Variants in JARID2 observed in about 807,000 individuals in gnomAD.
JARID2 encodes jumonji and AT-rich interaction domain containing 2.
JARID2 carries 21 observed loss-of-function variants against 125.6 expected under a neutral mutation model. The observed-to-expected ratio is 0.17, with a 90% CI of 0.12 to 0.24. The LOEUF (loss-of-function observed/expected upper bound fraction) is 0.24, where lower values mean the gene tolerates loss of function less well. JARID2 is among the 10% of genes least tolerant of loss of function. The probability of loss-of-function intolerance (pLI) is 1.00; values close to 1 mark genes in which losing one functional copy is unlikely to be tolerated. For synonymous variants in JARID2, 736 were observed against 661.6 expected (o/e 1.11, Z -1.73); for missense variants, 1,303 against 1,639.6 (o/e 0.79, Z 3.55).
intron 1 of JARID2, among the ~76,000 whole-genome samples, chr6:15,354,914 G>A (rs1177733537): frequency 1.3e-5 from 2 of 152,208 alleles, no homozygotes; most frequent in East Asian, 3.9e-4. Context: ...TATTAGAAAA[G>A]CCGGGGAGGT....
Position 15,513,281 on chromosome 6 carries a change from C to T in JARID2, c.3309C>T (p.Gly1103=), listed in dbSNP as rs766770591. ...LRQRRQLFEA[G]LHSSARYGSH... ...AGCGCAGGCAGCTGTTCGAGGCTGG[C>T]CTCCACTCCTCCGCACGCTATGGCA... The change falls in exon 16 of 18, where the codon GGC becomes GGT. Residue 1103 remains glycine (G), a synonymous_variant. Coordinates refer to ENST00000341776, the MANE Select transcript of JARID2 (RefSeq NM_004973.4). 4 of 1,587,526 alleles carry T rather than the reference C, an allele frequency of 2.5e-6. No homozygotes were observed. The highest frequency in any genetic ancestry group is 2.6e-6 in the Non-Finnish European group (3 of 1,167,870).
intron 7 of JARID2, among the ~76,000 whole-genome samples, chr6:15,498,813 G>A (rs577832018): frequency 2.0e-5 from 3 of 152,206 alleles, no homozygotes; most frequent in Non-Finnish European, 4.4e-5. Context: ...CTGCACACGC[G>A]TGCACCCACG....
intron 2 of JARID2, among the ~76,000 whole-genome samples, chr6:15,391,265 C>T (rs889194652): frequency 2.0e-5 from 3 of 152,164 alleles, no homozygotes; most frequent in Non-Finnish European, 4.4e-5. Context: ...CTAGTTTTCC[C>T]CAGCAAGGCA....
At chr6:15,346,524 G>T (rs1763249548) in intron 1 of JARID2, among the ~76,000 whole-genome samples, 2 of 152,052 alleles carry the variant, frequency 1.3e-5, no homozygotes, top group Admixed American at 1.3e-4. Context: ...GTAGGCTTTG[G>T]TGTGGCTTTT....
chr6:15,501,892 G>A (rs1770755655), intron 8 of JARID2, among the ~76,000 whole-genome samples: 1 of 152,260 alleles, frequency 6.6e-6, no homozygotes, highest in East Asian at 1.9e-4. Flanking sequence ...CTCCAGTTCC[G>A]TTTCATCCTG....
rs1490281637 is a variant in JARID2, at chr6:15,366,513, G to GA, written c.46-7604_46-7603insA. Among the ~76,000 whole-genome samples, 578 of 135,484 alleles carry GA rather than the reference G, an allele frequency of 4.3e-3. 11 individuals carry two copies. Among genetic ancestry groups the GA allele is most frequent in the African/African-American group, 0.016 (546 of 33,644 alleles). The allele number at this position is 135,484 out of a possible 152,430, so 88.9% of individuals were successfully genotyped here. On this transcript the variant is annotated intron_variant, in intron 1 of 17. Transcript: ENST00000341776. ...TCTCTATATGTGGGTGGGGGGCGGG[G>GA]GGGGCGGGGGGGGTGGGGGGTGGGG...
At chr6:15,303,617 A>G (rs931529641) in intron 1 of JARID2, among the ~76,000 whole-genome samples, 1 of 152,218 alleles carries the variant, frequency 6.6e-6, no homozygotes, top group Non-Finnish European at 1.5e-5. Context: ...ATAATACCCA[A>G]TGTGAGAAGA....
intron 5 of JARID2, among the ~76,000 whole-genome samples, chr6:15,470,439 T>G (rs1477339706): frequency 2.0e-5 from 3 of 152,222 alleles, no homozygotes; most frequent in Non-Finnish European, 4.4e-5. Context: ...CCTTTCTGGA[T>G]TCACCGGGAA....
At chr6:15,303,851 C>T (rs1761716874) in intron 1 of JARID2, among the ~76,000 whole-genome samples, 1 of 152,138 alleles carries the variant, frequency 6.6e-6, no homozygotes, top group African/African-American at 2.4e-5. Context: ...TTTTAGTTCA[C>T]CTGGGCGAAT....
At chr6:15,283,748 C>G (rs1177893637) in intron 1 of JARID2, among the ~76,000 whole-genome samples, 2 of 148,132 alleles carry the variant, frequency 1.4e-5, no homozygotes, top group Non-Finnish European at 3.0e-5. Flanking sequence ...CTCTGTTGCC[C>G]AGGCTGGAGT....
At chr6:15,421,727 G>T (rs1766498321) in intron 3 of JARID2, among the ~76,000 whole-genome samples, 1 of 152,180 alleles carries the variant, frequency 6.6e-6, no homozygotes, top group Admixed American at 6.5e-5. Context: ...CATCTATAAT[G>T]CCTGGACTTT....
chr6:15,456,877 G>C (rs1352014262), intron 4 of JARID2, among the ~76,000 whole-genome samples: 2 of 27,566 alleles, frequency 7.3e-5, no homozygotes, highest in South Asian at 2.8e-3. Flanking sequence ...AGGATGTTAA[G>C]CTTTTTTTTT....
At chr6:15,282,104 G>T (rs540406653) in intron 1 of JARID2, among the ~76,000 whole-genome samples, 1 of 151,976 alleles carries the variant, frequency 6.6e-6, no homozygotes, top group Non-Finnish European at 1.5e-5. Context: ...CATCATGCTC[G>T]ACCAATTTCT....
intron 1 of JARID2, among the ~76,000 whole-genome samples, chr6:15,358,580 G>C (rs999086251): frequency 1.3e-5 from 2 of 152,144 alleles, no homozygotes. Context: ...GTAGGTGCTC[G>C]TTTTATGTTT....
intron 1 of JARID2, among the ~76,000 whole-genome samples, chr6:15,329,010 T>G (rs1762620490): frequency 6.6e-6 from 1 of 152,178 alleles, no homozygotes; most frequent in African/African-American, 2.4e-5. Flanking sequence ...GGCTTTTTTT[T>G]TCTAGTTCTT....
chr6:15,503,922 G>C (rs573059430), intron 8 of JARID2, among the ~76,000 whole-genome samples: 1 of 152,240 alleles, frequency 6.6e-6, no homozygotes, highest in South Asian at 2.1e-4. Flanking sequence ...TCGAAGAAGA[G>C]GCGCAGAGGG....
chr6:15,463,168 T>C (rs1289832897), intron 4 of JARID2, among the ~76,000 whole-genome samples: 3 of 152,172 alleles, frequency 2.0e-5, no homozygotes, highest in South Asian at 2.1e-4. Flanking sequence ...TGACTATACT[T>C]TTATAATGAC....
intron 2 of JARID2, among the ~76,000 whole-genome samples, chr6:15,409,158 G>T (rs1765772195): frequency 6.6e-6 from 1 of 152,184 alleles, no homozygotes; most frequent in Admixed American, 6.5e-5. Flanking sequence ...TCTACATAGT[G>T]TTTAGTACAA....
chr6:15,307,190 C>T (rs7749217), intron 1 of JARID2, among the ~76,000 whole-genome samples: 10 of 152,042 alleles, frequency 6.6e-5, no homozygotes, highest in East Asian at 3.9e-4. Context: ...TGCAGTGAGC[C>T]GAGACAGTTC....
Sources: allele counts gnomAD v4.1 joint callset (sites outside exome capture counted in the v4.1 genomes callset), GRCh38; gene constraint gnomAD v4.1.1; transcripts MANE v1.5; gene names NCBI Gene and HGNC (gene_info 2026-07-23, HGNC 2026-07-21).